Variants in OR2L13 observed in about 807,000 individuals in gnomAD.
The protein encoded by OR2L13 is olfactory receptor family 2 subfamily L member 13.
A neutral mutation model predicts 15.3 loss-of-function variants in OR2L13; 14 were observed. That is an observed-to-expected ratio of 0.91 (90% confidence interval 0.60 to 1.43). The LOEUF (loss-of-function observed/expected upper bound fraction) is 1.43, where lower values mean the gene tolerates loss of function less well. Among genes scored for constraint, OR2L13 ranks in the 40% most tolerant of loss-of-function variants. OR2L13 has a pLI of 0.00. For synonymous variants in OR2L13, 152 were observed against 142.9 expected (o/e 1.06, Z -0.45); for missense variants, 367 against 387.9 (o/e 0.95, Z 0.45).
chr1:247,967,960 C>T, the OR2L13 span, among the ~76,000 whole-genome samples: 2 of 151,110 alleles, frequency 1.3e-5, no homozygotes, highest in South Asian at 4.2e-4. Flanking sequence ...TCTCCTTCTC[C>T]TCATCCTCCT....
the OR2L13 span, among the ~76,000 whole-genome samples, chr1:248,036,780 T>A: frequency 6.6e-6 from 1 of 152,192 alleles, no homozygotes; most frequent in Non-Finnish European, 1.5e-5. Context: ...AAGTGAATGG[T>A]CATTTCTCCA....
At chr1:248,036,778 G>A in the OR2L13 span, among the ~76,000 whole-genome samples, 1 of 152,046 alleles carries the variant, frequency 6.6e-6, no homozygotes, top group African/African-American at 2.4e-5. Flanking sequence ...TTAAGTGAAT[G>A]GTCATTTCTC....
At chr1:248,093,881 T>C (rs1256182998), upstream of OR2L13, among the ~76,000 whole-genome samples, 2 of 152,010 alleles carry the variant, frequency 1.3e-5, no homozygotes, top group African/African-American at 2.4e-5. Context: ...TAAAAAATAA[T>C]AAATATAGTA....
At chr1:248,018,745 C>T in the OR2L13 span, among the ~76,000 whole-genome samples, 3 of 152,304 alleles carry the variant, frequency 2.0e-5, no homozygotes, top group East Asian at 5.8e-4. Flanking sequence ...CACCATGCAT[C>T]TCCAGAACAG....
the OR2L13 span, among the ~76,000 whole-genome samples, chr1:248,080,133 AT>A: frequency 6.3e-3 from 950 of 151,464 alleles, 61 homozygotes; most frequent in East Asian, 0.14. Context: ...ACAGATACAT[AT>A]TTTTTTTTAC....
the OR2L13 span, chr1:248,083,582 A>G: frequency 8.8e-7 from 1 of 1,134,532 alleles, no homozygotes; most frequent in African/African-American, 1.5e-5. Flanking sequence ...GAGAATTACA[A>G]TGTGTTAAAA....
At chr1:247,997,809 A>T in the OR2L13 span, among the ~76,000 whole-genome samples, 1 of 152,198 alleles carries the variant, frequency 6.6e-6, no homozygotes. Context: ...TTAGCCTACA[A>T]TGTCCAAAGT....
the OR2L13 span, chr1:248,039,052 G>T: frequency 1.2e-6 from 2 of 1,614,058 alleles, no homozygotes; most frequent in South Asian, 2.2e-5. Flanking sequence ...GTACGTCCAA[G>T]ATCCCTGCGA....
exon 3 of OR2L13, chr1:248,099,855 C>T (rs748205909): frequency 3.7e-6 from 6 of 1,614,070 alleles, no homozygotes; most frequent in Non-Finnish European, 5.1e-6. Context: ...CACACACAGT[C>T]TTTGCCCTTC....
chr1:248,039,272 G>C, the OR2L13 span: 2 of 1,429,072 alleles, frequency 1.4e-6, no homozygotes, highest in Non-Finnish European at 1.9e-6. Context: ...CAGCAGTGAA[G>C]AAAAACATTA....
chr1:248,007,608 A>G, the OR2L13 span, among the ~76,000 whole-genome samples: 2 of 152,312 alleles, frequency 1.3e-5, no homozygotes, highest in Non-Finnish European at 2.9e-5. Flanking sequence ...TACCTCACAG[A>G]GTTCTTGGCT....
chr1:248,073,702 T>C, the OR2L13 span, among the ~76,000 whole-genome samples: 1 of 150,628 alleles, frequency 6.6e-6, no homozygotes, highest in Non-Finnish European at 1.5e-5. Flanking sequence ...AGCTTGCTAG[T>C]GGGTACAAAT....
the OR2L13 span, among the ~76,000 whole-genome samples, chr1:248,050,804 CA>C: frequency 2.4e-4 from 36 of 151,978 alleles, no homozygotes; most frequent in African/African-American, 8.7e-4. Context: ...ATCTTAATGC[CA>C]ATCTCATCTT....
chr1:247,997,075 T>C, the OR2L13 span: 2 of 152,162 alleles, frequency 1.3e-5, no homozygotes, highest in Non-Finnish European at 2.9e-5. Context: ...CCACTCCCAC[T>C]GCTTCATCTG....
the OR2L13 span, among the ~76,000 whole-genome samples, chr1:248,067,989 C>A: frequency 1.3e-5 from 2 of 152,200 alleles, no homozygotes; most frequent in African/African-American, 4.8e-5. Context: ...ACAAAGCAGG[C>A]GGGAAGCTCG....
the OR2L13 span, among the ~76,000 whole-genome samples, chr1:248,070,136 C>A: frequency 3.2e-3 from 482 of 152,290 alleles, 8 homozygotes; most frequent in African/African-American, 0.011. Flanking sequence ...TAATAGACAT[C>A]TACAGAACTC....
the OR2L13 span, among the ~76,000 whole-genome samples, chr1:247,963,627 A>C: frequency 1.3e-5 from 2 of 152,172 alleles, 1 homozygote; most frequent in Non-Finnish European, 2.9e-5. Context: ...TCTATGTTTT[A>C]GTTAATTTTG....
chr1:248,009,852 ATG>A, the OR2L13 span, among the ~76,000 whole-genome samples: 1 of 152,144 alleles, frequency 6.6e-6, no homozygotes, highest in East Asian at 1.9e-4. Flanking sequence ...GAATGCAAGG[ATG>A]GTTCAACATA....
chr1:248,087,834 T>G, the OR2L13 span, among the ~76,000 whole-genome samples: 1 of 152,186 alleles, frequency 6.6e-6, no homozygotes. Context: ...CTTGTAAGGA[T>G]AGCAAGCACA....
Sources: gnomAD v4.1 joint callset for allele counts (sites outside exome capture counted in the v4.1 genomes callset) on GRCh38, gnomAD v4.1.1 for gene constraint, MANE v1.5 for transcripts, NCBI Gene and HGNC (gene_info 2026-07-23, HGNC 2026-07-21) for gene names.